The following PLXNA4 variants were observed in gnomAD, a reference collection of about 807,000 sequenced individuals.
The protein encoded by PLXNA4 is plexin A4, also known as plexin-A4.
Under a neutral mutation model 191.8 loss-of-function variants are expected in PLXNA4, and 44 were observed. The ratio of observed to expected loss-of-function variants is 0.23; its 90% CI spans 0.18 to 0.29. The LOEUF is 0.29. Ranked by LOEUF, PLXNA4 falls within the 10% of genes least tolerant of loss-of-function variation. The pLI is 1.00. For missense variants in PLXNA4, 1,800 were observed against 2,488.8 expected, an observed-to-expected ratio of 0.72 and a Z score of 5.89; for synonymous variants, 1,082 against 1,009.5, an observed-to-expected ratio of 1.07 and a Z score of -1.36.
chr7:132,383,973 T>C, intron 3 of PLXNA4: 1 of 985,436 alleles, frequency 1.0e-6, no homozygotes, highest in Non-Finnish European at 1.2e-6. Flanking sequence ...AGTCCTTGCT[T>C]TACCCATCCC....
chr7:132,399,153 A>G (rs192806563), intron 3 of PLXNA4, among the ~76,000 whole-genome samples: 3 of 152,264 alleles, frequency 2.0e-5, no homozygotes, highest in African/African-American at 7.2e-5. Context: ...ACGGGCTTCA[A>G]GTTTGCCTGG....
At chr7:132,134,568 GCT>G (rs1795059087) in intron 30 of PLXNA4, among the ~76,000 whole-genome samples, 1 of 152,194 alleles carries the variant, frequency 6.6e-6, no homozygotes, top group African/African-American at 2.4e-5. Context: ...GGAGATGACA[GCT>G]GTGCTCCCTG....
chr7:132,520,575 AT>A (rs1217309737), intron 1 of PLXNA4, among the ~76,000 whole-genome samples: 1 of 152,196 alleles, frequency 6.6e-6, no homozygotes, highest in East Asian at 1.9e-4. Flanking sequence ...AGAAATGGAA[AT>A]ATTCCCTTCT....
intron 4 of PLXNA4, among the ~76,000 whole-genome samples, chr7:132,284,247 C>T (rs949027028): frequency 6.6e-6 from 1 of 152,128 alleles, no homozygotes; most frequent in African/African-American, 2.4e-5. Flanking sequence ...CTAAAGAAAG[C>T]TTTTGTTTTA....
intron 1 of PLXNA4, among the ~76,000 whole-genome samples, chr7:132,540,187 C>T (rs1387901356): frequency 1.3e-5 from 2 of 152,100 alleles, no homozygotes; most frequent in African/African-American, 4.8e-5. Context: ...CCCAGAGTTT[C>T]GGAGCTATCC....
Position 132,280,287 on chromosome 7 carries a change from A to G in PLXNA4, c.1503+17804T>C, listed in dbSNP as rs57815486. 2.3e-3 allele frequency among the ~76,000 whole-genome samples: 345 copies of G among 152,356 alleles called. 4 individuals carry two copies. The highest frequency in any genetic ancestry group is 8.0e-3 in the African/African-American group (333 of 41,582). ...AAGAGATCGAGAGATTGAGATAAAA[A>G]TAAGGAAGAAGGTGGGAGAAACACA... is the stretch of plus-strand genomic sequence containing the variant. On this transcript the variant is annotated intron_variant, in intron 4 of 31. Coordinates refer to ENST00000321063, the MANE Select transcript of PLXNA4 (RefSeq NM_020911.2).
chr7:132,269,191 G>C (rs1316275701), intron 4 of PLXNA4, among the ~76,000 whole-genome samples: 15 of 152,118 alleles, frequency 9.9e-5, no homozygotes, highest in African/African-American at 3.6e-4. Context: ...TCAGATTTGG[G>C]TGTATGAGAG....
intron 1 of PLXNA4, among the ~76,000 whole-genome samples, chr7:132,574,044 T>G (rs1802108651): frequency 6.6e-6 from 1 of 152,196 alleles, no homozygotes; most frequent in Non-Finnish European, 1.5e-5. Context: ...TTTACAGAGA[T>G]GTTAATTAAT....
At chr7:132,464,304 T>G (rs1563114209) in intron 3 of PLXNA4, among the ~76,000 whole-genome samples, 1 of 152,014 alleles carries the variant, frequency 6.6e-6, no homozygotes, top group South Asian at 2.1e-4. Context: ...AAATTAAGAG[T>G]CTGCCATTGT....
intron 16 of PLXNA4, among the ~76,000 whole-genome samples, chr7:132,182,431 T>C (rs1478549580): frequency 6.6e-6 from 1 of 152,136 alleles, no homozygotes; most frequent in Non-Finnish European, 1.5e-5. Context: ...GTTTGGAGTA[T>C]GGACCCCCGT....
At chr7:132,288,342 G>A (rs1409092708) in intron 4 of PLXNA4, among the ~76,000 whole-genome samples, 1 of 152,216 alleles carries the variant, frequency 6.6e-6, no homozygotes, top group Non-Finnish European at 1.5e-5. Context: ...GGTTCCTCCA[G>A]TTCTGCCGTG....
At chr7:132,194,679 C>T (rs935341773) in intron 13 of PLXNA4, among the ~76,000 whole-genome samples, 1 of 152,084 alleles carries the variant, frequency 6.6e-6, no homozygotes, top group Non-Finnish European at 1.5e-5. Flanking sequence ...AGCCTCCAGG[C>T]TGGGTGAGGG....
chr7:132,194,818 A>G (rs1797203313), intron 13 of PLXNA4, among the ~76,000 whole-genome samples: 1 of 152,212 alleles, frequency 6.6e-6, no homozygotes, highest in Admixed American at 6.5e-5. Context: ...CAAACAGTAC[A>G]GAGTATGGCA....
intron 4 of PLXNA4, among the ~76,000 whole-genome samples, chr7:132,264,646 C>T (rs116425336): frequency 6.6e-6 from 1 of 151,130 alleles, no homozygotes; most frequent in Non-Finnish European, 1.5e-5. Context: ...ACTCTTTGGG[C>T]ATCATTTGGC....
At chr7:132,218,837 CAT>C (rs1298065195) in intron 9 of PLXNA4, among the ~76,000 whole-genome samples, 1 of 152,164 alleles carries the variant, frequency 6.6e-6, no homozygotes, top group African/African-American at 2.4e-5. Flanking sequence ...CTATAAACAA[CAT>C]ATGTTATTGG....
chr7:132,492,020 G>A (rs1797830227), intron 2 of PLXNA4, among the ~76,000 whole-genome samples: 1 of 152,162 alleles, frequency 6.6e-6, no homozygotes, highest in Admixed American at 6.5e-5. Flanking sequence ...TCCTGCTTCT[G>A]GTTCACAAGG....
intron 3 of PLXNA4, among the ~76,000 whole-genome samples, chr7:132,481,190 G>A (rs1448150372): frequency 6.6e-6 from 1 of 152,056 alleles, no homozygotes; most frequent in Non-Finnish European, 1.5e-5. Flanking sequence ...ATCCCAGGAA[G>A]ATGGATTAAA....
intron 20 of PLXNA4, among the ~76,000 whole-genome samples, chr7:132,177,051 G>A (rs1357998532): frequency 6.6e-6 from 1 of 152,144 alleles, no homozygotes; most frequent in East Asian, 1.9e-4. Flanking sequence ...CAGTGTGTGT[G>A]TACGAATGTG....
chr7:132,305,374 A>ACT (rs1032015260), intron 3 of PLXNA4, among the ~76,000 whole-genome samples: 6 of 146,836 alleles, frequency 4.1e-5, no homozygotes, highest in Admixed American at 3.3e-4. Context: ...ACACACACAC[A>ACT]CACACACACA....
Sources: gnomAD v4.1 joint callset for allele counts (sites outside exome capture counted in the v4.1 genomes callset) on GRCh38, gnomAD v4.1.1 for gene constraint, MANE v1.5 for transcripts, NCBI Gene and HGNC (gene_info 2026-07-23, HGNC 2026-07-21) for gene names.